Variants in TRIM44 observed in about 807,000 individuals in gnomAD.
TRIM44 encodes the protein tripartite motif-containing protein 44.
Under a neutral mutation model 37.4 loss-of-function variants are expected in TRIM44, and 13 were observed. The observed-to-expected ratio is 0.35, with a 90% CI of 0.23 to 0.55. The LOEUF (loss-of-function observed/expected upper bound fraction) is 0.55, where lower values mean the gene tolerates loss of function less well. Ranked by LOEUF, TRIM44 falls within the 20% of genes least tolerant of loss-of-function variation. TRIM44 has a pLI of 0.89. For synonymous variants in TRIM44, 175 were observed against 157.2 expected, an observed-to-expected ratio of 1.11 and a Z score of -0.85; for missense variants, 426 against 437.2, an observed-to-expected ratio of 0.97 and a Z score of 0.23.
chr11:35,701,338 C>T (rs1851785967), intron 2 of TRIM44, among the ~76,000 whole-genome samples: 1 of 151,922 alleles, frequency 6.6e-6, no homozygotes, highest in Non-Finnish European at 1.5e-5. Flanking sequence ...GCTTGAATAT[C>T]TGCTTGTAAT....
intron 4 of TRIM44, among the ~76,000 whole-genome samples, chr11:35,751,109 C>G (rs916448102): frequency 3.9e-5 from 6 of 152,106 alleles, no homozygotes; most frequent in African/African-American, 1.4e-4. Flanking sequence ...AGAGTAGACA[C>G]TCAAATCTTG....
At chr11:35,734,134 T>G (rs1239941974) in intron 3 of TRIM44, among the ~76,000 whole-genome samples, 2 of 152,196 alleles carry the variant, frequency 1.3e-5, no homozygotes, top group African/African-American at 4.8e-5. Flanking sequence ...TGCTCCTGAT[T>G]CGAAAATCCT....
intron 4 of TRIM44, among the ~76,000 whole-genome samples, chr11:35,750,581 C>T (rs1037424852): frequency 6.6e-6 from 1 of 152,174 alleles, no homozygotes; most frequent in African/African-American, 2.4e-5. Context: ...CATTCCCACA[C>T]TTATTGACCG....
chr11:35,713,095 G>C (rs1004240593), intron 2 of TRIM44, among the ~76,000 whole-genome samples: 2 of 152,198 alleles, frequency 1.3e-5, no homozygotes, highest in African/African-American at 4.8e-5. Context: ...TTTGAGAACA[G>C]TGCCTCTCTC....
chr11:35,801,186 A>G (rs1853363868), intron 4 of TRIM44, among the ~76,000 whole-genome samples: 1 of 152,192 alleles, frequency 6.6e-6, no homozygotes, highest in Non-Finnish European at 1.5e-5. Context: ...CTAGGCAACC[A>G]CTTCCTCAGA....
intron 4 of TRIM44, among the ~76,000 whole-genome samples, chr11:35,805,876 T>C (rs779444122): frequency 2.6e-5 from 4 of 152,300 alleles, no homozygotes; most frequent in Middle Eastern, 3.4e-3. Flanking sequence ...TGGCATGAGT[T>C]GAAATCTTGG....
chr11:35,775,498 A>G (rs61881281), intron 4 of TRIM44, among the ~76,000 whole-genome samples: 5,306 of 152,338 alleles, frequency 0.035, 139 homozygotes, highest in South Asian at 0.052. Context: ...CAGAACTTCC[A>G]GCACTATGTT....
intron 2 of TRIM44, among the ~76,000 whole-genome samples, chr11:35,706,327 A>G (rs1216250340): frequency 2.6e-5 from 4 of 152,248 alleles, no homozygotes; most frequent in South Asian, 2.1e-4. Flanking sequence ...GAATTCTACC[A>G]GAGGTACAAG....
rs566450727 is a variant in TRIM44, at chr11:35,715,953, C to A, written c.748-9971C>A. 2.0e-5 allele frequency among the ~76,000 whole-genome samples: 3 copies of A among 152,298 alleles called. No homozygotes were observed. The South Asian group carries it at 6.2e-4, about 32-fold the overall frequency. On this transcript the variant is annotated intron_variant, in intron 2 of 4. Transcript: ENST00000299413. The stretch of plus-strand genomic sequence containing the variant: ...GATGGTGGTAAATCACTCATGAGAA[C>A]TCCACCCTTATGATCCAGTCATCTC...
intron 4 of TRIM44, among the ~76,000 whole-genome samples, chr11:35,788,039 C>T (rs540307277): frequency 1.3e-5 from 2 of 152,342 alleles, no homozygotes; most frequent in East Asian, 3.9e-4. Flanking sequence ...TTCTAACTCA[C>T]CTGGTCTTAC....
intron 2 of TRIM44, among the ~76,000 whole-genome samples, chr11:35,717,670 C>T (rs965102586): frequency 2.0e-5 from 3 of 152,056 alleles, no homozygotes; most frequent in Admixed American, 6.6e-5. Context: ...ACCCACTGGG[C>T]GGTTACAAAA....
At chr11:35,786,591 C>G (rs59736581) in intron 4 of TRIM44, among the ~76,000 whole-genome samples, 1 of 152,156 alleles carries the variant, frequency 6.6e-6, no homozygotes, top group Non-Finnish European at 1.5e-5. Flanking sequence ...CCAGTCACTC[C>G]TGAGATCCAA....
intron 2 of TRIM44, among the ~76,000 whole-genome samples, chr11:35,722,478 G>GGCT (rs953452705): frequency 1.3e-5 from 2 of 152,200 alleles, no homozygotes; most frequent in Non-Finnish European, 2.9e-5. Flanking sequence ...CAGCCCCAAG[G>GGCT]GCTGCTGGTT....
chr11:35,668,605 G>A (rs1851357571), intron 1 of TRIM44, among the ~76,000 whole-genome samples: 1 of 152,196 alleles, frequency 6.6e-6, no homozygotes, highest in Admixed American at 6.5e-5. Context: ...TCTTTATCCA[G>A]TCTATCACTG....
intron 1 of TRIM44, among the ~76,000 whole-genome samples, chr11:35,672,619 A>G (rs540406730): frequency 2.2e-4 from 33 of 152,008 alleles, no homozygotes; most frequent in Non-Finnish European, 4.7e-4. Context: ...CTGCTTGGGG[A>G]GTGACTGAGG....
At chr11:35,774,884 T>G (rs1487984506) in intron 4 of TRIM44, among the ~76,000 whole-genome samples, 1 of 152,222 alleles carries the variant, frequency 6.6e-6, no homozygotes, top group African/African-American at 2.4e-5. Flanking sequence ...TGTAGTATAG[T>G]TTGAAGTCAG....
rs1853507559 is a variant in TRIM44, at chr11:35,809,911, A to T, written c.*3526A>T. 1 of 152,178 alleles carries T rather than the reference A, an allele frequency of 6.6e-6. No individual in the cohort carries two copies. The highest frequency in any genetic ancestry group is 1.5e-5 in the Non-Finnish European group (1 of 68,048). 9.4% of individuals were successfully genotyped at this position (152,178 alleles called of 1,614,324 possible). A position where few individuals can be genotyped will look rare whatever the true frequency, so the allele number is the denominator to read the frequency against. On this transcript the variant is annotated 3_prime_UTR_variant, in exon 5 of 5. Transcript: ENST00000299413. ...CACACACACACAATATTTGAGAGCT[A>T]AGGAAAACTCAAAGCAGCCCCTTCA...
In TRIM44 at chr11:35,663,256, A is replaced by C. The variant is rs1274284704; in HGVS notation, c.145A>C (p.Arg49=). The C allele has an allele frequency of 3.1e-6, 5 of 1,609,592 alleles. No individual in the cohort carries two copies. Among genetic ancestry groups the C allele is most frequent in the Admixed American group, 1.7e-5 (1 of 59,844 alleles). The change falls in exon 1 of 5, where the codon AGG becomes CGG. Residue 49 remains arginine, a synonymous_variant. Coordinates refer to ENST00000299413, the MANE Select transcript of TRIM44 (RefSeq NM_017583.6). ...CYCRRHAEAH[R]QKFLSHHLAE... is the part of the protein sequence containing the mutation. ...CTGCCGCCGCCATGCCGAGGCGCAC[A>C]GGCAGAAGTTCCTCAGTCACCATCT...
chr11:35,719,330 T>C (rs1436815376), intron 2 of TRIM44, among the ~76,000 whole-genome samples: 2 of 152,210 alleles, frequency 1.3e-5, no homozygotes, highest in South Asian at 2.1e-4. Context: ...CCTAATGATA[T>C]ATGATGTTGA....
Sources: gnomAD v4.1 joint callset for allele counts (sites outside exome capture counted in the v4.1 genomes callset) on GRCh38, gnomAD v4.1.1 for gene constraint, MANE v1.5 for transcripts, NCBI Gene and HGNC (gene_info 2026-07-23, HGNC 2026-07-21) for gene names.